Variants in TYR observed in about 807,000 individuals in gnomAD.
The protein encoded by TYR is tyrosinase, also known as LB24-AB.
In TYR, 58 loss-of-function variants were observed where a neutral mutation model predicts 51.5. The observed-to-expected ratio is 1.13, with a 90% confidence interval of 0.91 to 1.40. The LOEUF (loss-of-function observed/expected upper bound fraction) is 1.40. TYR is among the 40% of genes most tolerant of loss of function. The pLI is 0.00. For missense variants in TYR, 732 were observed against 647.4 expected (o/e 1.13, Z -1.42); for synonymous variants, 263 against 235.2 (o/e 1.12, Z -1.08).
chr11:89,291,767 C>A (rs1484301831), intron 4 of TYR, among the ~76,000 whole-genome samples: 1 of 151,938 alleles, frequency 6.6e-6, no homozygotes. Flanking sequence ...TGCTATATTG[C>A]CCTGTATTTC....
intron 3 of TYR, among the ~76,000 whole-genome samples, chr11:89,260,670 G>A (rs1000618059): frequency 2.0e-4 from 31 of 152,100 alleles, no homozygotes; most frequent in Non-Finnish European, 7.4e-5. Context: ...CTACAAAAAT[G>A]CTCTTTGAGT....
chr11:89,244,622 G>T (rs965880775), intron 3 of TYR, among the ~76,000 whole-genome samples: 9 of 152,142 alleles, frequency 5.9e-5, no homozygotes, highest in African/African-American at 1.4e-4. Flanking sequence ...AAAGTAAAAG[G>T]TTGGTGCTAG....
intron 3 of TYR, among the ~76,000 whole-genome samples, chr11:89,267,055 T>G (rs1944533945): frequency 6.6e-6 from 1 of 151,940 alleles, no homozygotes; most frequent in Non-Finnish European, 1.5e-5. Flanking sequence ...TTTTCCACTG[T>G]AATTCTCAGA....
chr11:89,248,506 G>A (rs568976859), intron 3 of TYR, among the ~76,000 whole-genome samples: 8 of 151,952 alleles, frequency 5.3e-5, no homozygotes, highest in Non-Finnish European at 1.0e-4. Flanking sequence ...ACATTTAAAG[G>A]TCCCATGGCA....
At chr11:89,220,125 A>G (rs191564033) in intron 2 of TYR, among the ~76,000 whole-genome samples, 1 of 151,736 alleles carries the variant, frequency 6.6e-6, no homozygotes, top group East Asian at 1.9e-4. Flanking sequence ...TGCTTTAAAG[A>G]AATCTCAGAC....
At chr11:89,277,355 C>T (rs1223036644) in intron 3 of TYR, among the ~76,000 whole-genome samples, 4 of 151,714 alleles carry the variant, frequency 2.6e-5, no homozygotes, top group Non-Finnish European at 5.9e-5. Context: ...TCGCAAGCTG[C>T]AGTTCTCAAA....
chr11:89,190,800 A>G (rs545200398), intron 1 of TYR, among the ~76,000 whole-genome samples: 2 of 152,218 alleles, frequency 1.3e-5, no homozygotes, highest in Admixed American at 1.3e-4. Context: ...CCATTTAAAA[A>G]AAAATTTTAT....
intron 2 of TYR, among the ~76,000 whole-genome samples, chr11:89,199,788 T>C (rs965728774): frequency 1.3e-5 from 2 of 152,200 alleles, no homozygotes; most frequent in Admixed American, 1.3e-4. Context: ...TCATGATGTG[T>C]ATTTATCCAA....
intron 3 of TYR, among the ~76,000 whole-genome samples, chr11:89,255,389 C>T (rs2135302656): frequency 6.6e-6 from 1 of 151,402 alleles, no homozygotes; most frequent in East Asian, 1.9e-4. Flanking sequence ...TCTTGATGAC[C>T]TGTCTAATGA....
chr11:89,245,480 G>A (rs1357468233), intron 3 of TYR, among the ~76,000 whole-genome samples: 1 of 152,208 alleles, frequency 6.6e-6, no homozygotes, highest in Admixed American at 6.5e-5. Flanking sequence ...CAACAAGGGA[G>A]CAGGAACTAT....
chr11:89,282,028 G>T (rs995257383), intron 3 of TYR, among the ~76,000 whole-genome samples: 1 of 151,808 alleles, frequency 6.6e-6, no homozygotes, highest in African/African-American at 2.4e-5. Flanking sequence ...ATTAACTGAA[G>T]TTGAGAATCA....
At chr11:89,280,447 G>C (rs1476670490) in intron 3 of TYR, among the ~76,000 whole-genome samples, 1 of 151,454 alleles carries the variant, frequency 6.6e-6, no homozygotes, top group Non-Finnish European at 1.5e-5. Flanking sequence ...ATACAACACT[G>C]TTGGAGTGTT....
chr11:89,273,274 T>C (rs1317210345), intron 3 of TYR, among the ~76,000 whole-genome samples: 2 of 151,918 alleles, frequency 1.3e-5, no homozygotes, highest in African/African-American at 4.8e-5. Flanking sequence ...CAATTGAACA[T>C]TTATAGGCCA....
At chr11:89,208,683 A>G (rs1943707244) in intron 2 of TYR, among the ~76,000 whole-genome samples, 1 of 152,218 alleles carries the variant, frequency 6.6e-6, no homozygotes, top group Non-Finnish European at 1.5e-5. Context: ...TCCTTAAAAT[A>G]TGCATCATAA....
At chr11:89,279,392 G>C (rs1944693856) in intron 3 of TYR, among the ~76,000 whole-genome samples, 1 of 151,640 alleles carries the variant, frequency 6.6e-6, no homozygotes, top group African/African-American at 2.4e-5. Flanking sequence ...CGTAGGAGGA[G>C]GGACTGCTGC....
intron 4 of TYR, among the ~76,000 whole-genome samples, chr11:89,293,116 T>A (rs1944868181): frequency 6.6e-6 from 1 of 152,042 alleles, no homozygotes; most frequent in Middle Eastern, 3.4e-3. Flanking sequence ...CTTATATGGC[T>A]ACTATTAAAT....
chr11:89,260,657 A>G (rs531471813), intron 3 of TYR, among the ~76,000 whole-genome samples: 1 of 152,292 alleles, frequency 6.6e-6, no homozygotes, highest in Non-Finnish European at 1.5e-5. Context: ...TAAATTTAAA[A>G]GACTACAAAA....
intron 3 of TYR, among the ~76,000 whole-genome samples, chr11:89,270,338 C>A (rs964792051): frequency 6.6e-6 from 1 of 151,888 alleles, no homozygotes; most frequent in Non-Finnish European, 1.5e-5. Context: ...CCTTGACCGA[C>A]ACCACTCAAC....
intron 3 of TYR, among the ~76,000 whole-genome samples, chr11:89,235,785 T>A (rs1314808093): frequency 1.3e-5 from 2 of 152,118 alleles, no homozygotes; most frequent in African/African-American, 4.8e-5. Context: ...ATGATTATAG[T>A]AAATAATGAT....
Sources: allele counts gnomAD v4.1 joint callset (sites outside exome capture counted in the v4.1 genomes callset), GRCh38; gene constraint gnomAD v4.1.1; transcripts MANE v1.5; gene names NCBI Gene and HGNC (gene_info 2026-07-23, HGNC 2026-07-21).